FCHSD1: variants seen among roughly 807,000 people sequenced by gnomAD.
The protein encoded by FCHSD1 is FCH and double SH3 domains 1.
A neutral mutation model predicts 101.3 loss-of-function variants in FCHSD1; 109 were observed. The ratio of observed to expected loss-of-function variants is 1.08; its 90% CI spans 0.92 to 1.26. The LOEUF (loss-of-function observed/expected upper bound fraction) is 1.26, where lower values mean the gene tolerates loss of function less well. Among genes scored for constraint, FCHSD1 ranks in the 50% most tolerant of loss-of-function variants. FCHSD1 has a pLI of 0.00. For synonymous variants in FCHSD1, 291 were observed against 356.8 expected (o/e 0.82, Z 2.08); for missense variants, 820 against 895.8 (o/e 0.92, Z 1.08).
At position 141,649,610 on chromosome 5, in the gene FCHSD1, C is replaced by G; in HGVS notation, c.234-74G>C. On this transcript the variant is annotated intron_variant, in intron 4 of 19. Transcript: ENST00000435817. This position sits in a 1 kb window ranked among gnomAD's most constrained non-coding sequence, Gnocchi z 4.1. ...TGAGACCACCCCCACCCCCTGCCCCCTGACCAACACCATGGGAGACAGAGT... is the reference window on the plus strand; with the variant it reads ...TGAGACCACCCCCACCCCCTGCCCCGTGACCAACACCATGGGAGACAGAGT... 6.5e-7 allele frequency: 1 copy of G among 1,529,012 alleles called. No homozygotes were observed. The highest frequency in any genetic ancestry group is 8.8e-7 in the Non-Finnish European group (1 of 1,141,140). 94.7% of individuals were successfully genotyped at this position (1,529,012 alleles called of 1,614,324 possible). A position where few individuals can be genotyped will look rare whatever the true frequency, so the allele number is the denominator to read the frequency against.
At position 141,650,356 on chromosome 5, in the gene FCHSD1, T is replaced by C. The variant is rs200995822; in HGVS notation, c.165+3A>G. 3.1e-6 allele frequency: 5 copies of C among 1,613,858 alleles called. No individual in the cohort carries two copies. The African/African-American group carries it at 6.7e-5, about 22-fold the overall frequency. On this transcript the variant is annotated splice_donor_region_variant and intron_variant, in intron 3 of 19. Transcript: ENST00000435817. The stretch of plus-strand genomic sequence containing the variant: ...AGGTAAGGTCCAGAGAAAAGTCCCA[T>C]ACCTGCCCATACTCCCGTTCAATGG...
At chr5:141,643,871 C>T (rs1170411671) in intron 17 of FCHSD1, among the ~76,000 whole-genome samples, 2 of 149,896 alleles carry the variant, frequency 1.3e-5, no homozygotes, top group East Asian at 1.9e-4. Flanking sequence ...AAGAAGAAGG[C>T]TTTACCTCGA....
At chr5:141,647,059 A>G in intron 10 of FCHSD1, 76 bp downstream of exon 10, 1 of 1,373,158 alleles carries the variant, frequency 7.3e-7, no homozygotes. Flanking sequence ...TTAACACAAA[A>G]CAAAGATAAT....
At chr5:141,644,753 C>T (rs1018788702) in intron 15 of FCHSD1, 63 bp from the exon 16 acceptor site, 3 of 1,608,398 alleles carry the variant, frequency 1.9e-6, no homozygotes, top group African/African-American at 2.7e-5. Flanking sequence ...CCCTGGCTCT[C>T]TTCTACTCAG....
intron 2 of FCHSD1, 44 bp from the exon 3 acceptor site, chr5:141,650,448 T>C: frequency 6.2e-7 from 1 of 1,613,184 alleles, no homozygotes; most frequent in Non-Finnish European, 8.5e-7. Flanking sequence ...GATAAGGTTA[T>C]GTTTGGTCCT....
intron 8 of FCHSD1, 176 bp from the exon 9 acceptor site, chr5:141,647,696 TC>T: frequency 9.5e-7 from 1 of 1,048,964 alleles, no homozygotes; most frequent in Non-Finnish European, 1.4e-6. Context: ...CACGTTCACA[TC>T]CATTCTCTCC....
At position 141,639,379 on chromosome 5, in the gene FCHSD1, A is replaced by G; in HGVS notation, c.*2119T>C. ...GGGAAATTGGGGCTTCTGGGGTTTT[A>G]AGGAGCATGCTGAAAGAACGTAAGA... On this transcript the variant is annotated 3_prime_UTR_variant, in exon 20 of 20. Transcript: ENST00000435817. The surrounding 1 kb of genome is among the most constrained non-coding windows in gnomAD (Gnocchi z 4.4). 1 of 1,170,182 alleles carries G rather than the reference A, an allele frequency of 8.5e-7. No homozygotes were observed. The allele number at this position is 1,170,182 out of a possible 1,614,324, so 72.5% of individuals were successfully genotyped here.
Position 141,648,040 on chromosome 5 carries a change from G to C in FCHSD1, c.633C>G (p.Tyr211Ter). Residue 211 changes from tyrosine (Y) to a stop codon, truncating the protein, a stop_gained, in exon 8 of 20, where the codon TAC (tyrosine) becomes TAG (stop). Coordinates refer to ENST00000435817, the MANE Select transcript of FCHSD1 (RefSeq NM_033449.3). LOFTEE classifies it high-confidence loss of function. ...SQQLQAARNE[Y>*]LLNLVATNAH... ...CATTGGTAGCCACCAAGTTAAGCAG[G>C]TACTCATTGCGGGCTGCTTGCAGCT... 1 of 1,613,602 alleles carries C rather than the reference G, an allele frequency of 6.2e-7. No individual in the cohort carries two copies. Among genetic ancestry groups the C allele is most frequent in the Non-Finnish European group, 8.5e-7 (1 of 1,179,730 alleles).
At position 141,644,679 on chromosome 5, in the gene FCHSD1, C is replaced by A; in HGVS notation, c.1536G>T (p.Gln512His). The change falls in exon 16 of 20, where the codon CAG (glutamine) becomes CAT (histidine). Residue 512 changes from glutamine (Q) to histidine (H), a missense_variant. Coordinates refer to ENST00000435817, the MANE Select transcript of FCHSD1 (RefSeq NM_033449.3). Reference protein sequence around the residue: ...DADEWVKARNQHGEVGFVPER... With the variant: ...DADEWVKARNHHGEVGFVPER... ...CAGGGACAAAGCCTACCTCGCCGTG[C>A]TGGTTCCGAGCCTGCTCACCCAGCA... The A allele has an allele frequency of 6.2e-7, 1 of 1,613,934 alleles. No individual in the cohort carries two copies. The highest frequency in any genetic ancestry group is 8.5e-7 in the Non-Finnish European group (1 of 1,179,844).
At position 141,649,207 on chromosome 5, in the gene FCHSD1, G is replaced by A. The variant is rs548884077; in HGVS notation, c.477C>T (p.Ala159=). Residue 159 remains alanine, a synonymous_variant, in exon 6 of 20, where the codon GCC becomes GCT. Transcript: ENST00000435817. The surrounding 1 kb of genome is among the most constrained non-coding windows in gnomAD (Gnocchi z 4.1). ...CATCAGCCGCCTTCTCCTGTGCCAA[G>A]GCCCACACACGTTCCCGCTGCCCAT... The part of the protein sequence containing the change: ...KLYGQRERVW[A]LAQEKAADVQ... 6.2e-7 allele frequency: 1 copy of A among 1,614,000 alleles called. No homozygotes were observed. Among genetic ancestry groups the A allele is most frequent in the South Asian group, 1.1e-5 (1 of 91,086 alleles).
rs1255086128 is a variant in FCHSD1 at position 141,649,877 on chromosome 5, T to C, written c.233+10A>G. 1.0e-5 allele frequency: 16 copies of C among 1,546,554 alleles called. No homozygotes were observed. Among genetic ancestry groups the C allele is most frequent in the African/African-American group, 8.3e-5 (6 of 72,622 alleles). On this transcript the variant is annotated intron_variant, in intron 4 of 19. Transcript: ENST00000435817. The surrounding 1 kb of genome is among the most constrained non-coding windows in gnomAD (Gnocchi z 4.1). Reference sequence around the variant, plus strand: ...TGGCCTCTGTGGCCCTCCCCCTCCATAGGGCCCACCTGCTGTCCATCTCAC... The same window carrying C: ...TGGCCTCTGTGGCCCTCCCCCTCCACAGGGCCCACCTGCTGTCCATCTCAC...
At position 141,639,308 on chromosome 5, in the gene FCHSD1, CTTAA is replaced by C; in HGVS notation, c.*2186_*2189del. The C allele has an allele frequency of 1.6e-6, 1 of 642,710 alleles. No homozygotes were observed. The highest frequency in any genetic ancestry group is 2.6e-6 in the Non-Finnish European group (1 of 378,338). The allele number at this position is 642,710 out of a possible 1,614,324, so 39.8% of individuals were successfully genotyped here. A position where few individuals can be genotyped will look rare whatever the true frequency, so the allele number is the denominator to read the frequency against. On this transcript the variant is annotated 3_prime_UTR_variant, in exon 20 of 20. Coordinates refer to ENST00000435817, the MANE Select transcript of FCHSD1 (RefSeq NM_033449.3). The surrounding 1 kb of genome is among the most constrained non-coding windows in gnomAD (Gnocchi z 4.4). ...AGGAAGAACATATGGTCACTAACAT[CTTAA>C]TATTGAGTTTATTAGATAAAGACAA... is the stretch of plus-strand genomic sequence containing the variant.
In FCHSD1 at chr5:141,646,722, C is replaced by A. The variant is rs965338880; in HGVS notation, c.925G>T (p.Val309Leu). Residue 309 changes from valine (V) to leucine (L), a missense_variant and splice_region_variant, in exon 11 of 20, where the codon GTG becomes TTG. Physicochemically the swap from Val to Leu is conservative, Grantham distance 32 (BLOSUM62 1). Coordinates refer to ENST00000435817, the MANE Select transcript of FCHSD1 (RefSeq NM_033449.3). ...QQFQPAGTDQ[V>L]CVLEWGAEGV... is the part of the protein sequence containing the mutation. Reference sequence around the variant, plus strand: ...TCTGCTCCCCACTCCAGGACACACACCTGAATGGGTCAGGGGGTGCTGTGA... The same window carrying A: ...TCTGCTCCCCACTCCAGGACACACAACTGAATGGGTCAGGGGGTGCTGTGA... 1 of 1,612,378 alleles carries A rather than the reference C, an allele frequency of 6.2e-7. No homozygotes were observed. Among genetic ancestry groups the A allele is most frequent in the African/African-American group, 1.3e-5 (1 of 74,910 alleles).
Position 141,646,077 on chromosome 5 carries a change from T to A in FCHSD1, c.1149+10A>T. 5 of 1,603,992 alleles carry A rather than the reference T, an allele frequency of 3.1e-6. No individual in the cohort carries two copies. Among genetic ancestry groups the A allele is most frequent in the Non-Finnish European group, 4.3e-6 (5 of 1,175,110 alleles). Reference sequence around the variant, plus strand: ...AAGGTGGGATCTCTAACCTCAGGGGTGTGCCTCACCTGTGCCCGGCGGATG... The same window carrying A: ...AAGGTGGGATCTCTAACCTCAGGGGAGTGCCTCACCTGTGCCCGGCGGATG... On this transcript the variant is annotated intron_variant, in intron 12 of 19. Coordinates refer to ENST00000435817, the MANE Select transcript of FCHSD1 (RefSeq NM_033449.3).
Position 141,639,717 on chromosome 5 carries a change from A to G in FCHSD1, c.*1781T>C. On this transcript the variant is annotated 3_prime_UTR_variant, in exon 20 of 20. Transcript: ENST00000435817. The surrounding 1 kb of genome is among the most constrained non-coding windows in gnomAD (Gnocchi z 4.4). ...CCCAGTGATCAGGCACCTGATCCCA[A>G]AAGTGGGCCTTGGCTCTTTCCTCCT... 1.4e-6 allele frequency: 2 copies of G among 1,470,028 alleles called. No homozygotes were observed. The highest frequency in any genetic ancestry group is 2.5e-5 in the South Asian group (2 of 79,676). 91.1% of individuals were successfully genotyped at this position (1,470,028 alleles called of 1,614,324 possible). A position where few individuals can be genotyped will look rare whatever the true frequency, so the allele number is the denominator to read the frequency against.
rs1199312048 is a variant in FCHSD1, at chr5:141,640,522, C to T, written c.*976G>A. The T allele has an allele frequency of 6.2e-7, 1 of 1,608,392 alleles. No individual in the cohort carries two copies. Among genetic ancestry groups the T allele is most frequent in the African/African-American group, 1.3e-5 (1 of 74,812 alleles). ...TTAAACTATTTAAGCCTTTCGGCTC[C>T]CTGAACCCCCCGAGTAAACTGCAGG... On this transcript the variant is annotated 3_prime_UTR_variant, in exon 20 of 20. Coordinates refer to ENST00000435817, the MANE Select transcript of FCHSD1 (RefSeq NM_033449.3).
Position 141,640,038 on chromosome 5 carries a change from G to C in FCHSD1, c.*1460C>G, listed in dbSNP as rs139146106. 5.6e-6 allele frequency: 9 copies of C among 1,613,420 alleles called. 1 individual carries two copies. In the South Asian group the frequency reaches 8.8e-5, roughly 16 times the overall value. On this transcript the variant is annotated 3_prime_UTR_variant, in exon 20 of 20. Transcript: ENST00000435817. ...GGACCCAGGGGGTGGTCAGGGGTCTGGGGGAGGGCAGCCCAAGGCAGGGAT... is the reference window on the plus strand; with the variant it reads ...GGACCCAGGGGGTGGTCAGGGGTCTCGGGGAGGGCAGCCCAAGGCAGGGAT...
Position 141,639,390 on chromosome 5 carries a change from TGAAA to T in FCHSD1, c.*2104_*2107del. On this transcript the variant is annotated 3_prime_UTR_variant, in exon 20 of 20. Coordinates refer to ENST00000435817, the MANE Select transcript of FCHSD1 (RefSeq NM_033449.3). The surrounding 1 kb of genome is among the most constrained non-coding windows in gnomAD (Gnocchi z 4.4). ...GCTTCTGGGGTTTTAAGGAGCATGC[TGAAA>T]GAACGTAAGAAACAAAACATGAAGG... 7.6e-7 allele frequency: 1 copy of T among 1,322,194 alleles called. No individual in the cohort carries two copies. Among genetic ancestry groups the T allele is most frequent in the Admixed American group, 2.3e-5 (1 of 44,030 alleles). The allele number at this position is 1,322,194 out of a possible 1,614,324, so 81.9% of individuals were successfully genotyped here. A position where few individuals can be genotyped will look rare whatever the true frequency, so the allele number is the denominator to read the frequency against.
At chr5:141,647,030 A>G in intron 10 of FCHSD1, 105 bp downstream of exon 10, 4 of 1,133,842 alleles carry the variant, frequency 3.5e-6, no homozygotes, top group Non-Finnish European at 5.0e-6. Context: ...CCCCCTCTCC[A>G]CGGTGTACAC....
Sources: allele counts gnomAD v4.1 joint callset (sites outside exome capture counted in the v4.1 genomes callset), GRCh38; gene constraint gnomAD v4.1.1; non-coding constraint Gnocchi (gnomAD v3.1); transcripts MANE v1.5; gene names NCBI Gene and HGNC (gene_info 2026-07-23, HGNC 2026-07-21).